The following CELF2 variants were observed in gnomAD, a reference collection of about 807,000 sequenced individuals.
CELF2 encodes the protein CUGBP Elav-like family member 2.
Under a neutral mutation model 62.6 loss-of-function variants are expected in CELF2, and 8 were observed. That is an observed-to-expected ratio of 0.13 (90% CI 0.07 to 0.23). The LOEUF is 0.23. Among genes scored for constraint, CELF2 ranks in the 10% least tolerant of loss-of-function variants. The pLI, the probability that CELF2 is intolerant of heterozygous loss-of-function variation, is 1.00. For synonymous variants in CELF2, 258 were observed against 250.0 expected (o/e 1.03, Z -0.30); for missense variants, 333 against 671.0 (o/e 0.50, Z 5.56).
the CELF2 span, among the ~76,000 whole-genome samples, chr10:10,547,140 T>C: frequency 6.6e-6 from 1 of 152,124 alleles, no homozygotes; most frequent in Non-Finnish European, 1.5e-5. Context: ...CATCTATGAA[T>C]AAAAATGATT....
At chr10:10,676,143 A>G in the CELF2 span, among the ~76,000 whole-genome samples, 1 of 152,172 alleles carries the variant, frequency 6.6e-6, no homozygotes, top group African/African-American at 2.4e-5. Flanking sequence ...TCAGTCTTAC[A>G]GTGAGTTTGT....
At chr10:11,194,840 A>G (rs760919545) in intron 2 of CELF2, among the ~76,000 whole-genome samples, 9 of 152,262 alleles carry the variant, frequency 5.9e-5, no homozygotes, top group Non-Finnish European at 1.3e-4. Flanking sequence ...TTTCACAGAA[A>G]GCAATAATCC....
rs1357582685 is a variant in CELF2, at chr10:10,947,488, A to G, written c.89+27489A>G. 6.6e-6 allele frequency: 1 copy of G among 152,644 alleles called. No individual in the cohort carries two copies. Among genetic ancestry groups the G allele is most frequent in the Non-Finnish European group, 1.5e-5 (1 of 68,038 alleles). 9.5% of individuals were successfully genotyped at this position (152,644 alleles called of 1,614,324 possible). On this transcript the variant is annotated intron_variant, in intron 2 of 13. Transcript: ENST00000636488. This position sits in a 1 kb window ranked among gnomAD's most constrained non-coding sequence, Gnocchi z 4.1. ...GGAATAGAAGGTAGCATGAAACATC[A>G]TTTGTAACTGGTGATGGTCAGATTA...
At chr10:11,149,581 G>A (rs367689997) in intron 1 of CELF2, among the ~76,000 whole-genome samples, 3 of 152,170 alleles carry the variant, frequency 2.0e-5, no homozygotes, top group South Asian at 2.1e-4. Flanking sequence ...GAGGCTTTGC[G>A]CCTTGTGAGG....
chr10:10,598,960 C>T, the CELF2 span, among the ~76,000 whole-genome samples: 2 of 151,870 alleles, frequency 1.3e-5, no homozygotes, highest in Admixed American at 1.3e-4. Flanking sequence ...CCATGTTGGC[C>T]AGGCTGGTCT....
At chr10:10,939,541 C>T (rs1046557311) in intron 2 of CELF2, among the ~76,000 whole-genome samples, 2 of 152,106 alleles carry the variant, frequency 1.3e-5, no homozygotes, top group Non-Finnish European at 2.9e-5. Flanking sequence ...TCACCTTGGC[C>T]TCCCAAAGTG....
At chr10:11,163,213 C>T (rs666330) in intron 1 of CELF2, among the ~76,000 whole-genome samples, 42,635 of 152,198 alleles carry the variant, frequency 0.28, 6,794 homozygotes, top group East Asian at 0.67. Flanking sequence ...CCACTCCCTT[C>T]TCCATTGTGT....
intron 9 of CELF2, among the ~76,000 whole-genome samples, chr10:11,294,998 T>C (rs113403911): frequency 4.6e-5 from 1 of 21,880 alleles, no homozygotes; most frequent in African/African-American, 5.7e-5. Flanking sequence ...GTTTACACTC[T>C]TATTGCTGCA....
Position 11,110,881 on chromosome 10 carries a change from G to A in CELF2, c.75-54605G>A, listed in dbSNP as rs1015040026. ...TAGACCCCCACTAACAAGGAGCAAA[G>A]CCCTTGGAAACGCAGCACTGCAATG... is the stretch of plus-strand genomic sequence containing the variant. On this transcript the variant is annotated intron_variant, in intron 1 of 12. Coordinates refer to ENST00000633077, the MANE Select transcript of CELF2 (RefSeq NM_001326342.2). This position sits in a 1 kb window ranked among gnomAD's most constrained non-coding sequence, Gnocchi z 4.0. 1.3e-5 allele frequency among the ~76,000 whole-genome samples: 2 copies of A among 152,110 alleles called. No homozygotes were observed. Among genetic ancestry groups the A allele is most frequent in the Non-Finnish European group, 2.9e-5 (2 of 68,012 alleles).
chr10:10,549,850 G>A, the CELF2 span, among the ~76,000 whole-genome samples: 69 of 152,292 alleles, frequency 4.5e-4, no homozygotes, highest in African/African-American at 1.6e-3. Context: ...CTCATAAAAG[G>A]TAGGTTCCCC....
chr10:11,167,855 A>C (rs1183934230), intron 2 of CELF2, among the ~76,000 whole-genome samples: 1 of 152,220 alleles, frequency 6.6e-6, no homozygotes, highest in Non-Finnish European at 1.5e-5. Context: ...AGGTGGTGGT[A>C]GTCACATTTT....
At chr10:10,751,988 A>T in the CELF2 span, among the ~76,000 whole-genome samples, 1 of 152,354 alleles carries the variant, frequency 6.6e-6, no homozygotes, top group Non-Finnish European at 1.5e-5. Flanking sequence ...CTGAGAAAAG[A>T]TGTGTTAGTA....
the CELF2 span, among the ~76,000 whole-genome samples, chr10:10,734,818 C>T: frequency 6.6e-6 from 1 of 152,196 alleles, no homozygotes; most frequent in South Asian, 2.1e-4. Flanking sequence ...GTCCCAGCCT[C>T]AGCACTGAAA....
the CELF2 span, among the ~76,000 whole-genome samples, chr10:10,507,001 A>G: frequency 6.6e-6 from 1 of 152,126 alleles, no homozygotes; most frequent in Middle Eastern, 3.4e-3. Flanking sequence ...TCCACAGCGG[A>G]GATCCAGGCA....
intron 1 of CELF2, among the ~76,000 whole-genome samples, chr10:10,911,616 G>C (rs181301431): frequency 1.8e-4 from 28 of 152,330 alleles, no homozygotes; most frequent in East Asian, 1.5e-3. Flanking sequence ...GTTTCCCCAC[G>C]GCAGCGCCTC....
At chr10:10,666,634 G>A in the CELF2 span, among the ~76,000 whole-genome samples, 1 of 75,926 alleles carries the variant, frequency 1.3e-5, no homozygotes, top group Non-Finnish European at 2.5e-5. Flanking sequence ...AGGCCGAGGC[G>A]GGCGGATCAC....
At chr10:11,200,897 T>G (rs768752224) in intron 2 of CELF2, among the ~76,000 whole-genome samples, 2 of 152,226 alleles carry the variant, frequency 1.3e-5, no homozygotes, top group Non-Finnish European at 2.9e-5. Flanking sequence ...ATTTGAGAAT[T>G]GTTCATCAGT....
chr10:10,854,618 C>A (rs911937124), intron 1 of CELF2, among the ~76,000 whole-genome samples: 33 of 152,000 alleles, frequency 2.2e-4, no homozygotes, highest in African/African-American at 7.7e-4. Flanking sequence ...CCACAGCATT[C>A]CCCCAAATCC....
chr10:10,957,102 T>C lies in CELF2; in HGVS notation c.89+37103T>C, dbSNP rs2048989282. Among the ~76,000 whole-genome samples the C allele has an allele frequency of 6.6e-6, 1 of 152,110 alleles. No homozygotes were observed. Among genetic ancestry groups the C allele is most frequent in the Non-Finnish European group, 1.5e-5 (1 of 68,016 alleles). On this transcript the variant is annotated intron_variant, in intron 2 of 13. Transcript: ENST00000636488. This position sits in a 1 kb window ranked among gnomAD's most constrained non-coding sequence, Gnocchi z 4.1. ...TGTAGACTCTTGCACAAGGGAGCTC[T>C]GGAAGTATTTAGAGGCAGCCACCTT...
Sources: allele counts gnomAD v4.1 joint callset (sites outside exome capture counted in the v4.1 genomes callset), GRCh38; gene constraint gnomAD v4.1.1; non-coding constraint Gnocchi (gnomAD v3.1); transcripts MANE v1.5; gene names NCBI Gene and HGNC (gene_info 2026-07-23, HGNC 2026-07-21).